The following ZNF157 variants were observed in gnomAD, a reference collection of about 807,000 sequenced individuals.
ZNF157 encodes zinc finger protein 22.
A neutral mutation model predicts 9.4 loss-of-function variants in ZNF157; 8 were observed. The ratio of observed to expected loss-of-function variants is 0.85; its 90% CI spans 0.50 to 1.53. The LOEUF (loss-of-function observed/expected upper bound fraction) is 1.53, where lower values mean the gene tolerates loss of function less well. ZNF157 is among the 40% of genes most tolerant of loss of function. The pLI, the probability that ZNF157 is intolerant of heterozygous loss-of-function variation, is 0.00. For missense variants in ZNF157, 316 were observed against 385.2 expected (o/e 0.82, Z 1.50); for synonymous variants, 120 against 130.8 (o/e 0.92, Z 0.56).
At chrX:47,393,879 G>A (rs2055905572) in intron 1 of ZNF157, among the ~76,000 whole-genome samples, 1 of 109,154 alleles carries the variant, frequency 9.2e-6, no homozygotes, top group Non-Finnish European at 1.9e-5. Flanking sequence ...GGGGCTCAAA[G>A]TTCCAACCCC....
At position 47,410,342 on chromosome X, in the gene ZNF157, G is replaced by A. The variant is rs1423385045; in HGVS notation, c.139G>A (p.Ala47Thr). ...TRQEWHRLDP[A>T]QRTMHKDVML... ...ACAGGAGTGGCACAGACTGGACCCT[G>A]CTCAGAGGACCATGCACAAGGATGT... Residue 47 changes from alanine (A) to threonine (T), a missense_variant, in exon 2 of 4, where the codon GCT (alanine) becomes ACT (threonine). This residue lies in a region of ZNF157 where 146 missense variants were observed against 183.8 expected (regional missense o/e 0.79). Coordinates refer to ENST00000377073, the MANE Select transcript of ZNF157 (RefSeq NM_003446.4). The A allele has an allele frequency of 8.3e-7, 1 of 1,211,632 alleles. No individual in the cohort carries two copies. Among genetic ancestry groups the A allele is most frequent in the Non-Finnish European group, 1.1e-6 (1 of 895,384 alleles).
chrX:47,396,793 G>C (rs1273515020), intron 1 of ZNF157, among the ~76,000 whole-genome samples: 1 of 111,880 alleles, frequency 8.9e-6, no homozygotes, highest in Non-Finnish European at 1.9e-5. Context: ...AAGAGGTTTA[G>C]TTGGCTCATG....
intron 3 of ZNF157, among the ~76,000 whole-genome samples, chrX:47,411,044 A>G (rs1423075269): frequency 2.8e-5 from 3 of 107,383 alleles, no homozygotes; most frequent in Non-Finnish European, 5.8e-5. Context: ...GCTGGAGTGC[A>G]GTGGTGCGAT....
intron 1 of ZNF157, among the ~76,000 whole-genome samples, chrX:47,399,985 TTC>T (rs1261546048): frequency 1.0e-5 from 1 of 98,767 alleles, no homozygotes; most frequent in Non-Finnish European, 2.1e-5. Flanking sequence ...CCAGTTTCTG[TTC>T]TCTCTCTCTT....
At position 47,410,507 on chromosome X, in the gene ZNF157, T is replaced by G. The variant is rs900197993; in HGVS notation, c.199+105T>G. 3 of 1,060,507 alleles carry G rather than the reference T, an allele frequency of 2.8e-6. No individual in the cohort carries two copies. The African/African-American group carries it at 5.6e-5, about 20-fold the overall frequency. The allele number at this position is 1,060,507 out of a possible 1,213,427, so 87.4% of individuals were successfully genotyped here. ...GTTTAATGATATTAAGAGTCACAGA[T>G]GAGTAATCAGTTTAGGGCACCAGAA... On this transcript the variant is annotated intron_variant, in intron 2 of 3. Transcript: ENST00000377073.
intron 1 of ZNF157, among the ~76,000 whole-genome samples, chrX:47,395,794 A>G (rs2055911347): frequency 1.8e-5 from 2 of 110,326 alleles, no homozygotes; most frequent in African/African-American, 3.3e-5. Flanking sequence ...GTGAAAACCC[A>G]TCTCTACAAA....
chrX:47,386,705 C>T (rs777308741), intron 1 of ZNF157, among the ~76,000 whole-genome samples: 45 of 110,958 alleles, frequency 4.1e-4, no homozygotes, highest in Non-Finnish European at 6.6e-4. Context: ...AGTGATCTGC[C>T]CATTTCAGCC....
intron 1 of ZNF157, chrX:47,392,097 G>C (rs762848545): frequency 9.1e-6 from 1 of 109,820 alleles, no homozygotes; most frequent in African/African-American, 3.3e-5. Context: ...CACCGTGTTA[G>C]CCAGGATGGT....
intron 1 of ZNF157, among the ~76,000 whole-genome samples, chrX:47,402,006 G>A (rs551731146): frequency 2.0e-4 from 22 of 111,452 alleles, no homozygotes; most frequent in African/African-American, 6.8e-4. Flanking sequence ...CAAAGTGCTG[G>A]GATTACAGGC....
chrX:47,385,072 G>T (rs899365167), intron 1 of ZNF157, among the ~76,000 whole-genome samples: 2 of 111,527 alleles, frequency 1.8e-5, no homozygotes, highest in African/African-American at 6.5e-5. Context: ...GTTTGTGGAT[G>T]GCAGTTCCAA....
chrX:47,387,061 C>T (rs1020299792), intron 1 of ZNF157, among the ~76,000 whole-genome samples: 1 of 107,839 alleles, frequency 9.3e-6, no homozygotes, highest in Non-Finnish European at 1.9e-5. Flanking sequence ...TCTCTTCAAG[C>T]GATTTCGTCC....
chrX:47,370,714 C>G lies in ZNF157; in HGVS notation c.46C>G (p.Pro16Ala), dbSNP rs2055826173. 3 of 1,204,602 alleles carry G rather than the reference C, an allele frequency of 2.5e-6. No homozygotes were observed. The highest frequency in any genetic ancestry group is 4.4e-5 in the Admixed American group (2 of 45,616). ...ACCCCAGAGATTCCCTGCCCTGATT[C>G]CAGGAGAACCTGGCAGATCTTTTGA... is the stretch of plus-strand genomic sequence containing the variant. ...TSPQRFPALI[P>A]GEPGRSFEGS... is the part of the protein sequence containing the mutation. Residue 16 changes from proline (P) to alanine (A), a missense_variant, in exon 1 of 4, where the codon CCA becomes GCA. By Grantham distance (27) the Pro-to-Ala change is conservative. Transcript: ENST00000377073.
rs535860544 is a variant in ZNF157 at position 47,378,040 on chromosome X, G to T, written c.72+7300G>T. Among the ~76,000 whole-genome samples the T allele has an allele frequency of 6.3e-5, 7 of 111,467 alleles. No homozygotes were observed. The South Asian group carries it at 2.6e-3, about 42-fold the overall frequency. On this transcript the variant is annotated intron_variant, in intron 1 of 3. Coordinates refer to ENST00000377073, the MANE Select transcript of ZNF157 (RefSeq NM_003446.4). ...AGACAGGGGAACTGCACTAGAGAAA[G>T]AATAATTCACGCAGAGCCAGCTGTA...
intron 1 of ZNF157, among the ~76,000 whole-genome samples, chrX:47,381,407 T>C (rs1198493974): frequency 8.9e-6 from 1 of 112,127 alleles, no homozygotes; most frequent in Non-Finnish European, 1.9e-5. Context: ...AATATCTCTC[T>C]GTTTACTTAT....
chrX:47,377,378 A>T (rs751761536), intron 1 of ZNF157, among the ~76,000 whole-genome samples: 1 of 111,315 alleles, frequency 9.0e-6, no homozygotes, highest in African/African-American at 3.3e-5. Flanking sequence ...GTCTTAATAA[A>T]TCTGCTCTGT....
rs752927092 is a variant in ZNF157, at chrX:47,410,316, G to A, written c.113G>A (p.Arg38Gln). 6.0e-5 allele frequency: 73 copies of A among 1,209,173 alleles called. No homozygotes were observed. In the South Asian group the frequency reaches 9.9e-4, roughly 16 times the overall value. The change falls in exon 2 of 4, where the codon CGA (arginine) becomes CAA (glutamine). Residue 38 changes from arginine (R) to glutamine (Q), a missense_variant. By Grantham distance (43) the Arg-to-Gln change is conservative. Coordinates refer to ENST00000377073, the MANE Select transcript of ZNF157 (RefSeq NM_003446.4). The part of the protein sequence containing the change: ...SFEDVAVDFT[R>Q]QEWHRLDPAQ... ...GAGGATGTGGCTGTGGATTTCACCC[G>A]ACAGGAGTGGCACAGACTGGACCCT...
intron 1 of ZNF157, among the ~76,000 whole-genome samples, chrX:47,402,470 T>G (rs181460724): frequency 9.0e-6 from 1 of 111,514 alleles, no homozygotes; most frequent in African/African-American, 3.2e-5. Context: ...ATTTCTTCTT[T>G]CATTCTTGTA....
At chrX:47,401,199 T>C (rs2055929534) in intron 1 of ZNF157, among the ~76,000 whole-genome samples, 1 of 112,118 alleles carries the variant, frequency 8.9e-6, no homozygotes, top group Admixed American at 9.6e-5. Context: ...GGTTTCAAGA[T>C]TATTTTATCT....
chrX:47,410,994 A>ATT (rs749589277), intron 3 of ZNF157, among the ~76,000 whole-genome samples: 7 of 101,220 alleles, frequency 6.9e-5, no homozygotes, highest in African/African-American at 2.2e-4. Context: ...TTTTATCTTG[A>ATT]TTTTTTTTTT....
Sources: allele counts gnomAD v4.1 joint callset (sites outside exome capture counted in the v4.1 genomes callset), GRCh38; gene constraint gnomAD v4.1.1; regional missense constraint gnomAD v4.1.1; transcripts MANE v1.5; gene names NCBI Gene and HGNC (gene_info 2026-07-23, HGNC 2026-07-21).